The following TMEM181 variants were observed in gnomAD, a reference collection of about 807,000 sequenced individuals.
TMEM181 encodes the protein transmembrane protein 181.
In TMEM181, 39 loss-of-function variants were observed where a neutral mutation model predicts 71.9. The observed-to-expected ratio is 0.54, with a 90% CI of 0.42 to 0.71. The LOEUF (loss-of-function observed/expected upper bound fraction) is 0.71, where lower values mean the gene tolerates loss of function less well. Ranked by LOEUF, TMEM181 falls within the 30% of genes least tolerant of loss-of-function variation. TMEM181 has a pLI of 0.00. For synonymous variants in TMEM181, 245 were observed against 228.8 expected, an observed-to-expected ratio of 1.07 and a Z score of -0.64; for missense variants, 595 against 583.0, an observed-to-expected ratio of 1.02 and a Z score of -0.21.
In TMEM181 at chr6:158,634,818, T is replaced by C. The variant is rs1786856073; in HGVS notation, c.*2930T>C. 6.6e-6 allele frequency: 1 copy of C among 152,212 alleles called. No homozygotes were observed. Among genetic ancestry groups the C allele is most frequent in the Non-Finnish European group, 1.5e-5 (1 of 68,034 alleles). 9.4% of individuals were successfully genotyped at this position (152,212 alleles called of 1,614,324 possible). A position where few individuals can be genotyped will look rare whatever the true frequency, so the allele number is the denominator to read the frequency against. The stretch of plus-strand genomic sequence containing the variant: ...CCAGCCTCAAGTATTTTATGAACTA[T>C]TTACTGAGGGTAGTTATGTTAAATA... On this transcript the variant is annotated 3_prime_UTR_variant, in exon 17 of 17. Coordinates refer to ENST00000684151, the MANE Select transcript of TMEM181 (RefSeq NM_001376852.1).
rs1352032840 is a variant in TMEM181, at chr6:158,620,688, G to A, written c.897-2862G>A. On this transcript the variant is annotated intron_variant, in intron 10 of 16. Coordinates refer to ENST00000684151, the MANE Select transcript of TMEM181 (RefSeq NM_001376852.1). The surrounding 1 kb of genome is among the most constrained non-coding windows in gnomAD (Gnocchi z 4.5). ...TCCTCGCACAAATTGCTGGAAGAGT[G>A]AAGTGAGAGAAAAGATGGGGTGCAT... 2.0e-5 allele frequency among the ~76,000 whole-genome samples: 3 copies of A among 151,876 alleles called. No individual in the cohort carries two copies. The highest frequency in any genetic ancestry group is 4.2e-4 in the South Asian group (2 of 4,798).
intron 10 of TMEM181, among the ~76,000 whole-genome samples, chr6:158,615,633 C>A (rs570517344): frequency 1.3e-5 from 2 of 152,294 alleles, no homozygotes; most frequent in East Asian, 3.9e-4. Flanking sequence ...ACATTTAAGT[C>A]TTTAATCCAT....
intron 6 of TMEM181, 48 bp from the exon 7 acceptor site, chr6:158,605,219 G>C (rs1784890301): frequency 1.4e-6 from 2 of 1,432,968 alleles, no homozygotes; most frequent in African/African-American, 1.4e-5. Context: ...TTTTCTCTTA[G>C]ATGCATATAT....
In TMEM181 at chr6:158,573,510, C is replaced by T. The variant is rs867069675; in HGVS notation, c.99C>T (p.Phe33=). 1.2e-6 allele frequency: 2 copies of T among 1,606,086 alleles called. No homozygotes were observed. The highest frequency in any genetic ancestry group is 4.5e-5 in the East Asian group (2 of 44,508). The change falls in exon 2 of 17, where the codon TTC becomes TTT. Residue 33 remains phenylalanine, a synonymous_variant. Coordinates refer to ENST00000684151, the MANE Select transcript of TMEM181 (RefSeq NM_001376852.1). The stretch of plus-strand genomic sequence containing the variant: ...TCATCTGCTTTGGCCTGACCATCTT[C>T]GTTGGGATCAGAGGTAAGGTTCGGT... ...VFFICFGLTI[F]VGIRGPKVIQ...
At chr6:158,572,765 G>A (rs1240968664) in intron 1 of TMEM181, among the ~76,000 whole-genome samples, 1 of 151,164 alleles carries the variant, frequency 6.6e-6, no homozygotes, top group East Asian at 1.9e-4. Context: ...TTCCCTGTCT[G>A]TGTAAATCAC....
At chr6:158,628,319 G>A in intron 13 of TMEM181, 89 bp from the exon 14 acceptor site, 1 of 1,255,888 alleles carries the variant, frequency 8.0e-7, no homozygotes, top group Admixed American at 1.8e-5. Flanking sequence ...CAGACGGAAA[G>A]CTTGAATGGG....
intron 3 of TMEM181, among the ~76,000 whole-genome samples, chr6:158,583,624 C>T (rs1025865340): frequency 6.6e-6 from 1 of 152,128 alleles, no homozygotes; most frequent in African/African-American, 2.4e-5. Context: ...CACGGTGAAA[C>T]TCCGTCTGTA....
At chr6:158,559,972 G>GA (rs1366608567), upstream of TMEM181, 5 of 859,058 alleles carry the variant, frequency 5.8e-6, no homozygotes, top group East Asian at 4.9e-4. Flanking sequence ...CCCGGCACGG[G>GA]GCCACGAAGG....
chr6:158,607,285 C>G lies in TMEM181; in HGVS notation c.615C>G (p.Asp205Glu). ...AHSLRKFSMRDWGIEQKWMSV... is the reference protein window; with the variant it reads ...AHSLRKFSMREWGIEQKWMSV... ...CCCTCCGGAAATTTTCCATGAGAGA[C>G]TGGGGCATCGAGCAGAAGTGGATGT... The change falls in exon 8 of 17, where the codon GAC becomes GAG. Residue 205 changes from aspartate to glutamate, a missense_variant. Coordinates refer to ENST00000684151, the MANE Select transcript of TMEM181 (RefSeq NM_001376852.1). The G allele has an allele frequency of 6.2e-7, 1 of 1,614,214 alleles. No homozygotes were observed. Among genetic ancestry groups the G allele is most frequent in the Non-Finnish European group, 8.5e-7 (1 of 1,180,038 alleles).
upstream of TMEM181, among the ~76,000 whole-genome samples, chr6:158,557,339 T>A (rs1781930890): frequency 7.8e-6 from 1 of 128,374 alleles, no homozygotes; most frequent in Non-Finnish European, 1.6e-5. Context: ...GCCACTGCAT[T>A]CTAGCCTGGG....
chr6:158,608,261 AG>A (rs1171527161), intron 8 of TMEM181, 71 bp from the exon 9 acceptor site: 1 of 1,532,338 alleles, frequency 6.5e-7, no homozygotes, highest in Non-Finnish European at 8.8e-7. Flanking sequence ...GACCCCGCAG[AG>A]GTATGGGGTG....
At chr6:158,626,177 C>T (rs893421024) in intron 13 of TMEM181, among the ~76,000 whole-genome samples, 4 of 152,134 alleles carry the variant, frequency 2.6e-5, no homozygotes, top group African/African-American at 7.2e-5. Flanking sequence ...AGATGGGAGG[C>T]GAAGTGGGCT....
At chr6:158,611,190 CCTT>C (rs2128319790) in intron 10 of TMEM181, 3 of 523,050 alleles carry the variant, frequency 5.7e-6, no homozygotes, top group Non-Finnish European at 1.2e-5. Flanking sequence ...ACTGTCTTGT[CCTT>C]CTCCACTGAC....
intron 10 of TMEM181, chr6:158,610,225 G>T: frequency 8.3e-6 from 2 of 240,582 alleles, no homozygotes; most frequent in South Asian, 7.0e-5. Flanking sequence ...TGCCACAGTC[G>T]TGGGGTGCCT....
At chr6:158,591,171 C>T (rs561938216) in intron 6 of TMEM181, among the ~76,000 whole-genome samples, 2 of 152,278 alleles carry the variant, frequency 1.3e-5, no homozygotes, top group Admixed American at 1.3e-4. Context: ...GTTTTTTTCT[C>T]TGTCTACCCT....
At chr6:158,569,418 A>G (rs1283906692) in intron 1 of TMEM181, among the ~76,000 whole-genome samples, 4 of 152,162 alleles carry the variant, frequency 2.6e-5, no homozygotes, top group African/African-American at 9.7e-5. Flanking sequence ...AAGACAGATT[A>G]TGTTGTTTTC....
At chr6:158,573,304 G>A in intron 1 of TMEM181, 116 bp from the exon 2 acceptor site, 1 of 705,928 alleles carries the variant, frequency 1.4e-6, no homozygotes, top group Non-Finnish European at 2.4e-6. Context: ...CAGAAGTGAG[G>A]GACTGGGAGG....
At chr6:158,580,368 A>G (rs1783404869) in intron 2 of TMEM181, among the ~76,000 whole-genome samples, 1 of 152,208 alleles carries the variant, frequency 6.6e-6, no homozygotes. Flanking sequence ...TGTAGGAAAA[A>G]AAATGGTTAA....
rs1055200508 is a variant in TMEM181, at chr6:158,629,779, C to G, written c.1242C>G (p.Thr414=). The change falls in exon 15 of 17, where the codon ACC becomes ACG. Residue 414 remains threonine (T), a synonymous_variant. Coordinates refer to ENST00000684151, the MANE Select transcript of TMEM181 (RefSeq NM_001376852.1). ...GCCTGTTGAACTTCTATCTCTACACCTTGGCCTTTGTATATTCTCCATCGA... is the reference window on the plus strand; with the variant it reads ...GCCTGTTGAACTTCTATCTCTACACGTTGGCCTTTGTATATTCTCCATCGA... ...FYGLLNFYLY[T]LAFVYSPSKN... is the part of the protein sequence containing the mutation. 3 of 1,614,000 alleles carry G rather than the reference C, an allele frequency of 1.9e-6. No individual in the cohort carries two copies. The highest frequency in any genetic ancestry group is 2.5e-6 in the Non-Finnish European group (3 of 1,179,942).
Sources: gnomAD v4.1 joint callset for allele counts (sites outside exome capture counted in the v4.1 genomes callset) on GRCh38, gnomAD v4.1.1 for gene constraint, Gnocchi (gnomAD v3.1) non-coding constraint, MANE v1.5 for transcripts, NCBI Gene and HGNC (gene_info 2026-07-23, HGNC 2026-07-21) for gene names.